SNRPN: variants seen among roughly 807,000 people sequenced by gnomAD.
SNRPN encodes the protein small nuclear ribonucleoprotein polypeptide N.
A neutral mutation model predicts 25.2 loss-of-function variants in SNRPN; 7 were observed. The observed-to-expected ratio is 0.28, with a 90% confidence interval of 0.16 to 0.52. The LOEUF (loss-of-function observed/expected upper bound fraction) is 0.52, where lower values mean the gene tolerates loss of function less well. SNRPN is among the 20% of genes least tolerant of loss of function. The pLI is 0.96. For missense variants in SNRPN, 196 were observed against 322.5 expected, an observed-to-expected ratio of 0.61 and a Z score of 3.00; for synonymous variants, 124 against 110.6, an observed-to-expected ratio of 1.12 and a Z score of -0.76.
At chr15:24,973,710 T>G (rs925110392) in intron 3 of SNRPN, among the ~76,000 whole-genome samples, 2 of 152,216 alleles carry the variant, frequency 1.3e-5, no homozygotes, top group Non-Finnish European at 2.9e-5. Flanking sequence ...GTTAACGTGA[T>G]TTATAACTTT....
chr15:24,848,497 T>A (rs1443058126), intron 2 of SNRPN: 2 of 152,200 alleles, frequency 1.3e-5, no homozygotes, highest in Non-Finnish European at 2.9e-5. Context: ...ATTAACTTTG[T>A]TTTAACCTAA....
Position 24,974,377 on chromosome 15 carries a change from T to G in SNRPN, c.-77T>G. 1 of 1,399,656 alleles carries G rather than the reference T, an allele frequency of 7.1e-7. No homozygotes were observed. The allele number at this position is 1,399,656 out of a possible 1,614,324, so 86.7% of individuals were successfully genotyped here. On this transcript the variant is annotated 5_prime_UTR_variant, in exon 4 of 10. Transcript: ENST00000390687. ...TTCTAGGAGAACCTGCGTCATACCT[T>G]TATCTATAGCCTTCCCCTAGGTCTT...
At chr15:24,844,152 T>G (rs903512136) in intron 2 of SNRPN, among the ~76,000 whole-genome samples, 6 of 134,832 alleles carry the variant, frequency 4.4e-5, no homozygotes, top group Admixed American at 2.2e-4. Context: ...GTGTGTGTGT[T>G]TGTGTGTGCG....
intron 1 of SNRPN, among the ~76,000 whole-genome samples, chr15:24,877,649 A>C (rs1027543544): frequency 6.9e-6 from 1 of 144,824 alleles, no homozygotes; most frequent in Non-Finnish European, 1.5e-5. Context: ...ATATGGTGAA[A>C]CATCTCTACA....
At chr15:24,875,543 C>G (rs1595614481) in intron 1 of SNRPN, among the ~76,000 whole-genome samples, 1 of 152,068 alleles carries the variant, frequency 6.6e-6, no homozygotes, top group Admixed American at 6.5e-5. Flanking sequence ...TTCCCTCCCC[C>G]ACCGCAACAG....
chr15:24,959,516 C>A (rs1026451779), intron 1 of SNRPN, among the ~76,000 whole-genome samples: 1 of 152,134 alleles, frequency 6.6e-6, no homozygotes, highest in Non-Finnish European at 1.5e-5. Context: ...ATGGCTATTT[C>A]CTCAGTTGAC....
chr15:24,910,409 G>A (rs1176243232), intron 2 of SNRPN, among the ~76,000 whole-genome samples: 1 of 152,170 alleles, frequency 6.6e-6, no homozygotes, highest in Non-Finnish European at 1.5e-5. Context: ...CTTCAGCACA[G>A]GAGGTCGAGG....
intron 4 of SNRPN, chr15:24,974,849 C>A: frequency 1.4e-6 from 1 of 693,480 alleles, no homozygotes. Flanking sequence ...ATGAGATGAG[C>A]CACTGTGCCT....
At chr15:24,972,093 TA>T (rs1366178713) in intron 3 of SNRPN, among the ~76,000 whole-genome samples, 3 of 151,932 alleles carry the variant, frequency 2.0e-5, no homozygotes, top group Non-Finnish European at 4.4e-5. Flanking sequence ...CCTTCTCTGC[TA>T]AAAATACAAA....
Position 24,969,578 on chromosome 15 carries a change from A to G in SNRPN, c.-144+1496A>G, listed in dbSNP as rs533769388. ...TTTCCCTTGAGTAAGGGAATTTTTC[A>G]TTGAATAGGTGTGCACAACTGATTT... is the stretch of plus-strand genomic sequence containing the variant. On this transcript the variant is annotated intron_variant, in intron 3 of 9. Transcript: ENST00000390687. 6.6e-5 allele frequency among the ~76,000 whole-genome samples: 10 copies of G among 152,230 alleles called. No homozygotes were observed. The South Asian group carries it at 1.7e-3, about 25-fold the overall frequency.
chr15:24,948,331 C>G (rs1411167159), intron 3 of SNRPN, among the ~76,000 whole-genome samples: 1 of 152,024 alleles, frequency 6.6e-6, no homozygotes, highest in Non-Finnish European at 1.5e-5. Context: ...CCAGGATGGT[C>G]TGAATCTCCT....
chr15:24,903,502 C>T (rs1377152994), intron 2 of SNRPN, among the ~76,000 whole-genome samples: 1 of 152,212 alleles, frequency 6.6e-6, no homozygotes, highest in Non-Finnish European at 1.5e-5. Flanking sequence ...GCATCATTCT[C>T]TTCATCCACT....
intron 3 of SNRPN, among the ~76,000 whole-genome samples, chr15:24,938,173 C>T (rs568033426): frequency 1.3e-5 from 2 of 150,768 alleles, no homozygotes; most frequent in South Asian, 4.2e-4. Flanking sequence ...TCCAGTGCCA[C>T]GCCATGATCT....
chr15:24,859,430 A>T (rs2053775602), intron 1 of SNRPN, among the ~76,000 whole-genome samples: 1 of 152,172 alleles, frequency 6.6e-6, no homozygotes, highest in African/African-American at 2.4e-5. Context: ...CTGCAGGATG[A>T]GTCCCTGAGA....
intron 2 of SNRPN, among the ~76,000 whole-genome samples, chr15:24,836,714 C>A (rs2142428995): frequency 6.6e-6 from 1 of 152,180 alleles, no homozygotes; most frequent in African/African-American, 2.4e-5. Context: ...CGCCCAGCCA[C>A]AAATGCATTT....
At chr15:24,953,469 A>G (rs902100100), upstream of SNRPN, among the ~76,000 whole-genome samples, 3 of 152,118 alleles carry the variant, frequency 2.0e-5, no homozygotes, top group Non-Finnish European at 2.9e-5. Flanking sequence ...GATTACAGGC[A>G]TGTGCCATCA....
intron 2 of SNRPN, among the ~76,000 whole-genome samples, chr15:24,845,763 T>G (rs2052140292): frequency 6.6e-6 from 1 of 152,158 alleles, no homozygotes; most frequent in Admixed American, 6.5e-5. Flanking sequence ...AGCTGAGGAT[T>G]CTACTGAATG....
At chr15:24,897,654 G>C (rs888443181) in intron 2 of SNRPN, among the ~76,000 whole-genome samples, 1 of 152,208 alleles carries the variant, frequency 6.6e-6, no homozygotes, top group Non-Finnish European at 1.5e-5. Flanking sequence ...GTGGGGCCAG[G>C]TGGAGATAAT....
In SNRPN at chr15:24,929,658, A is replaced by T. The variant is rs1214704571; in HGVS notation, c.-391+9534A>T. Among the ~76,000 whole-genome samples, 2 of 152,072 alleles carry T rather than the reference A, an allele frequency of 1.3e-5. No homozygotes were observed. The highest frequency in any genetic ancestry group is 2.9e-5 in the Non-Finnish European group (2 of 68,008). Reference sequence around the variant, plus strand: ...CCAGCCAACTCTCTATGGGGCTGCCACACGACTTCCTAAAAAGGCATAAAC... The same window carrying T: ...CCAGCCAACTCTCTATGGGGCTGCCTCACGACTTCCTAAAAAGGCATAAAC... On this transcript the variant is annotated intron_variant, in intron 3 of 11. Transcript: ENST00000400097. This position sits in a 1 kb window ranked among gnomAD's most constrained non-coding sequence, Gnocchi z 5.3.
Sources: allele counts gnomAD v4.1 joint callset (sites outside exome capture counted in the v4.1 genomes callset), GRCh38; gene constraint gnomAD v4.1.1; non-coding constraint Gnocchi (gnomAD v3.1); transcripts MANE v1.5; gene names NCBI Gene and HGNC (gene_info 2026-07-23, HGNC 2026-07-21).